RNF38: variants seen among roughly 807,000 people sequenced by gnomAD.
The protein encoded by RNF38 is E3 ubiquitin-protein ligase RNF38.
RNF38 carries 15 observed loss-of-function variants against 67.2 expected under a neutral mutation model. That is an observed-to-expected ratio of 0.22 (90% CI 0.15 to 0.34). RNF38 has a LOEUF of 0.34. Ranked by LOEUF, RNF38 falls within the 10% of genes least tolerant of loss-of-function variation. The probability of loss-of-function intolerance (pLI) is 1.00; values close to 1 mark genes in which losing one functional copy is unlikely to be tolerated. For synonymous variants in RNF38, 220 were observed against 218.8 expected (o/e 1.01, Z -0.05); for missense variants, 524 against 639.9 (o/e 0.82, Z 1.95).
chr9:36,392,768 A>G lies in RNF38; in HGVS notation c.13-2152T>C, dbSNP rs532673557. Among the ~76,000 whole-genome samples the G allele has an allele frequency of 6.0e-4, 92 of 152,222 alleles. 2 individuals carry two copies. The highest frequency in any genetic ancestry group is 3.0e-3 in the Admixed American group (46 of 15,292). ...CAACATGGTGAGACAATTTCTAAAA[A>G]TAAGTATTTGTTAATCTAATAAGAT... On this transcript the variant is annotated intron_variant, in intron 1 of 11. Transcript: ENST00000259605.
chr9:36,446,870 C>T (rs2134319392), intron 1 of RNF38, among the ~76,000 whole-genome samples: 1 of 144,060 alleles, frequency 6.9e-6, no homozygotes, highest in South Asian at 2.2e-4. Flanking sequence ...CTTGTAATCC[C>T]AGCACTTTGG....
In RNF38 at chr9:36,416,227, G is replaced by C. The variant is rs1838465784; in HGVS notation, n.312+8386C>G. On this transcript the variant is annotated intron_variant and non_coding_transcript_variant, in intron 2 of 3. Transcript: ENST00000488058. ...GTGGGAGATGGGAGGATGGGGGATGGGGGTGTGATTCTCAGGCCAATAAAA... is the reference window on the plus strand; with the variant it reads ...GTGGGAGATGGGAGGATGGGGGATGCGGGTGTGATTCTCAGGCCAATAAAA... Among the ~76,000 whole-genome samples the C allele has an allele frequency of 1.3e-5, 2 of 150,712 alleles. 1 individual carries two copies. The highest frequency in any genetic ancestry group is 4.9e-5 in the African/African-American group (2 of 40,888).
intron 2 of RNF38, among the ~76,000 whole-genome samples, chr9:36,419,557 T>C (rs1384758414): frequency 6.6e-6 from 1 of 152,218 alleles, no homozygotes; most frequent in Non-Finnish European, 1.5e-5. Flanking sequence ...AATTCTTCAA[T>C]ATTTTATCTC....
chr9:36,427,767 G>C (rs1162283120), intron 1 of RNF38, among the ~76,000 whole-genome samples: 1 of 151,864 alleles, frequency 6.6e-6, no homozygotes, highest in Non-Finnish European at 1.5e-5. Flanking sequence ...CTGGAGGGTA[G>C]TGGTGCGATC....
In RNF38 at chr9:36,472,098, G is replaced by A. The variant is rs148469276; in HGVS notation, n.241+15210C>T. 2.9e-3 allele frequency among the ~76,000 whole-genome samples: 441 copies of A among 152,020 alleles called. 2 individuals carry two copies. Among genetic ancestry groups the A allele is most frequent in the African/African-American group, 9.3e-3 (384 of 41,478 alleles). ...TTTTAATAAAAATATTAGATAATTC[G>A]ATTACAAGAGTTCTTGACTTACATT... On this transcript the variant is annotated intron_variant and non_coding_transcript_variant, in intron 1 of 3. Coordinates refer to the RNF38 transcript ENST00000488058.
In RNF38 at chr9:36,456,798, T is replaced by G. The variant is rs181215147; in HGVS notation, n.241+30510A>C. On this transcript the variant is annotated intron_variant and non_coding_transcript_variant, in intron 1 of 3. Coordinates refer to the RNF38 transcript ENST00000488058. ...GTGCCAAGCATGAAGACCAACAGAT[T>G]GGGCCATGTTGATCACTGTGCTAAC... Among the ~76,000 whole-genome samples the G allele has an allele frequency of 1.3e-3, 203 of 152,270 alleles. 1 individual carries two copies. The highest frequency in any genetic ancestry group is 6.8e-3 in the Middle Eastern group (2 of 294).
At chr9:36,479,345 G>C (rs901748902) in intron 1 of RNF38, among the ~76,000 whole-genome samples, 12 of 152,236 alleles carry the variant, frequency 7.9e-5, no homozygotes, top group African/African-American at 1.9e-4. Flanking sequence ...GGTAGCAACA[G>C]AGGAAGAGGA....
At chr9:36,370,936 C>A (rs1835335498) in intron 3 of RNF38, among the ~76,000 whole-genome samples, 1 of 151,990 alleles carries the variant, frequency 6.6e-6, no homozygotes, top group Non-Finnish European at 1.5e-5. Flanking sequence ...AGAGAATTTG[C>A]TTATTGAAGC....
intron 4 of RNF38, among the ~76,000 whole-genome samples, chr9:36,366,888 G>A (rs749835603): frequency 6.6e-4 from 100 of 152,166 alleles, no homozygotes; most frequent in Non-Finnish European, 1.3e-3. Flanking sequence ...CCAAAATGAA[G>A]GTTCCTTCTT....
intron 1 of RNF38, among the ~76,000 whole-genome samples, chr9:36,425,357 T>TA (rs1375559155): frequency 6.6e-6 from 1 of 152,208 alleles, no homozygotes; most frequent in Non-Finnish European, 1.5e-5. Context: ...CTATGTAATG[T>TA]AAAAAATGAG....
At chr9:36,449,093 G>A (rs1205491770) in intron 1 of RNF38, among the ~76,000 whole-genome samples, 3 of 152,154 alleles carry the variant, frequency 2.0e-5, no homozygotes, top group Admixed American at 2.0e-4. Flanking sequence ...ACAAATACTT[G>A]TAACTCTTAT....
chr9:36,375,816 G>A (rs113771713), intron 3 of RNF38, 118 bp downstream of exon 3: 152 of 864,538 alleles, frequency 1.8e-4, no homozygotes, highest in Middle Eastern at 4.8e-4. Context: ...GTGAATGTAC[G>A]TGTATATGTG....
intron 2 of RNF38, among the ~76,000 whole-genome samples, chr9:36,385,504 G>A (rs966105364): frequency 1.1e-4 from 17 of 151,250 alleles, no homozygotes; most frequent in African/African-American, 1.5e-4. Context: ...TCAGCCTCCC[G>A]AGTAGCAGGG....
At chr9:36,347,786 G>T (rs1475667951) in intron 9 of RNF38, among the ~76,000 whole-genome samples, 1 of 152,136 alleles carries the variant, frequency 6.6e-6, no homozygotes, top group East Asian at 1.9e-4. Flanking sequence ...TTAAAAACTA[G>T]AAATGATTAG....
At chr9:36,463,461 G>A (rs560031340) in intron 1 of RNF38, among the ~76,000 whole-genome samples, 74 of 152,192 alleles carry the variant, frequency 4.9e-4, no homozygotes, top group African/African-American at 1.3e-3. Flanking sequence ...TGATCTAAAC[G>A]TAGGCCTTGA....
intron 10 of RNF38, among the ~76,000 whole-genome samples, chr9:36,343,122 C>T (rs1477619924): frequency 6.6e-6 from 1 of 151,978 alleles, no homozygotes; most frequent in Non-Finnish European, 1.5e-5. Context: ...CTATGTATTG[C>T]TCTATTGTTA....
chr9:36,435,044 T>C lies in RNF38; in HGVS notation n.242-10361A>G, dbSNP rs148714757. On this transcript the variant is annotated intron_variant and non_coding_transcript_variant, in intron 1 of 3. Transcript: ENST00000488058. ...CTGATAAAGAAAAAGCTCCACTATA[T>C]ACTGTCACAGAAACAAAGCAATGTG... is the stretch of plus-strand genomic sequence containing the variant. Among the ~76,000 whole-genome samples the C allele has an allele frequency of 6.9e-3, 1,048 of 152,170 alleles. 13 individuals are homozygous for C. Among genetic ancestry groups the C allele is most frequent in the African/African-American group, 0.024 (981 of 41,504 alleles).
At chr9:36,468,162 G>T (rs1331848182) in intron 1 of RNF38, among the ~76,000 whole-genome samples, 1 of 151,598 alleles carries the variant, frequency 6.6e-6, no homozygotes, top group African/African-American at 2.4e-5. Context: ...AGACTGCTTG[G>T]GCCCAGAAGC....
intron 2 of RNF38, among the ~76,000 whole-genome samples, chr9:36,381,593 C>T (rs1836217975): frequency 1.3e-5 from 2 of 152,216 alleles, no homozygotes; most frequent in Admixed American, 1.3e-4. Context: ...GGTTAACAGA[C>T]TTTCTTATAA....
Sources: allele counts gnomAD v4.1 joint callset (sites outside exome capture counted in the v4.1 genomes callset), GRCh38; gene constraint gnomAD v4.1.1; transcripts MANE v1.5; gene names NCBI Gene and HGNC (gene_info 2026-07-23, HGNC 2026-07-21).